Variants in EPHA5 observed in about 807,000 individuals in gnomAD.
EPHA5 encodes the protein EPH receptor A5.
In EPHA5, 60 loss-of-function variants were observed where a neutral mutation model predicts 105.0. The observed-to-expected ratio is 0.57, with a 90% CI of 0.46 to 0.71. The LOEUF (loss-of-function observed/expected upper bound fraction) is 0.71. EPHA5 is among the 30% of genes least tolerant of loss of function. The pLI is 0.00. For missense variants in EPHA5, 1,218 were observed against 1,274.7 expected (o/e 0.96, Z 0.68); for synonymous variants, 513 against 449.1 (o/e 1.14, Z -1.80).
chr4:65,382,311 A>G (rs1459970579), intron 8 of EPHA5, among the ~76,000 whole-genome samples: 2 of 151,746 alleles, frequency 1.3e-5, no homozygotes, highest in Admixed American at 6.6e-5. Context: ...CTATACTTCA[A>G]TAATGACTCT....
Position 65,428,192 on chromosome 4 carries a change from G to A in EPHA5, c.1403-7627C>T, listed in dbSNP as rs561737079. ...AAATTTCCTAAAGTAAATGAGAATTGCAGTTATTGAATTATAAACTTATTC... is the reference window on the plus strand; with the variant it reads ...AAATTTCCTAAAGTAAATGAGAATTACAGTTATTGAATTATAAACTTATTC... On this transcript the variant is annotated intron_variant, in intron 5 of 16. Coordinates refer to ENST00000613740, the MANE Select transcript of EPHA5 (RefSeq NM_001281766.3). Among the ~76,000 whole-genome samples, 33 of 152,066 alleles carry A rather than the reference G, an allele frequency of 2.2e-4. No homozygotes were observed. The South Asian group carries it at 5.8e-3, about 27-fold the overall frequency.
chr4:65,668,919 C>T (rs1750205906), intron 1 of EPHA5, among the ~76,000 whole-genome samples: 2 of 151,942 alleles, frequency 1.3e-5, no homozygotes, highest in African/African-American at 4.8e-5. Context: ...CAATGAACTC[C>T]CCCAAGAAGA....
chr4:65,583,361 C>A (rs576906914), intron 3 of EPHA5, among the ~76,000 whole-genome samples: 1 of 151,684 alleles, frequency 6.6e-6, no homozygotes, highest in African/African-American at 2.4e-5. Context: ...ATGTTCATTG[C>A]CTTGAAAATT....
intron 3 of EPHA5, among the ~76,000 whole-genome samples, chr4:65,548,541 A>C (rs1376135095): frequency 1.3e-5 from 2 of 152,084 alleles, no homozygotes; most frequent in African/African-American, 4.8e-5. Flanking sequence ...AAATTTTCAC[A>C]CTTGATGAAA....
intron 3 of EPHA5, among the ~76,000 whole-genome samples, chr4:65,515,074 C>T (rs921495252): frequency 5.3e-5 from 8 of 152,244 alleles, no homozygotes; most frequent in African/African-American, 1.9e-4. Flanking sequence ...TCCTCTAGTG[C>T]CCTGACTCTA....
intron 3 of EPHA5, among the ~76,000 whole-genome samples, chr4:65,534,529 C>T (rs1303459968): frequency 6.6e-6 from 1 of 152,178 alleles, no homozygotes; most frequent in African/African-American, 2.4e-5. Context: ...AATGAAAAAC[C>T]TCTTCCTCCT....
intron 5 of EPHA5, among the ~76,000 whole-genome samples, chr4:65,452,540 TAATAAATAAATAAATAA>T (rs1560551353): frequency 5.4e-5 from 8 of 147,272 alleles, no homozygotes; most frequent in Admixed American, 4.7e-4. Context: ...TGATTATTGC[TAATAAATAAATAAATAA>T]ATTAGCTAGC....
intron 3 of EPHA5, among the ~76,000 whole-genome samples, chr4:65,595,738 G>A (rs1487731095): frequency 6.6e-6 from 1 of 151,846 alleles, no homozygotes; most frequent in South Asian, 2.1e-4. Flanking sequence ...CCGCCACCAC[G>A]CCGGGCTAAT....
Position 65,669,657 on chromosome 4 carries a change from G to A in EPHA5, c.86C>T (p.Ala29Val). The change falls in exon 1 of 17, where the codon GCC becomes GTC. Residue 29 changes from alanine (A) to valine (V), a missense_variant. By Grantham distance (64) the Ala-to-Val change is moderately conservative (BLOSUM62 0). Coordinates refer to ENST00000613740, the MANE Select transcript of EPHA5 (RefSeq NM_001281766.3). ...GDTPITPASLAGCYSAPRRAP... is the reference protein window; with the variant it reads ...GDTPITPASLVGCYSAPRRAP... ...CCGTCGAGGTGCAGAGTAGCAGCCG[G>A]CCAGGGACGCTGGGGTGATGGGGGT... is the stretch of plus-strand genomic sequence containing the variant. 2.2e-6 allele frequency: 3 copies of A among 1,377,360 alleles called. No homozygotes were observed. The highest frequency in any genetic ancestry group is 2.8e-6 in the Non-Finnish European group (3 of 1,060,238). The allele number at this position is 1,377,360 out of a possible 1,614,324, so 85.3% of individuals were successfully genotyped here.
chr4:65,465,456 GAAAAGAAAGA>G (rs1331477583), intron 5 of EPHA5, among the ~76,000 whole-genome samples: 1 of 50,036 alleles, frequency 2.0e-5, no homozygotes, highest in African/African-American at 8.0e-5. Context: ...AAGAAAGAAA[GAAAAGAAAGA>G]AAAAGAAAGA....
At chr4:65,469,448 C>A (rs564443884) in intron 5 of EPHA5, among the ~76,000 whole-genome samples, 298 of 152,134 alleles carry the variant, frequency 2.0e-3, no homozygotes, top group African/African-American at 6.8e-3. Flanking sequence ...GAGTAATGCT[C>A]TTTATTGTTT....
intron 3 of EPHA5, among the ~76,000 whole-genome samples, chr4:65,529,030 A>G (rs1329301812): frequency 6.6e-6 from 1 of 152,274 alleles, no homozygotes; most frequent in East Asian, 1.9e-4. Flanking sequence ...GAGGTTTTAG[A>G]GTGTTTAAAA....
chr4:65,614,151 G>T (rs1435347230), intron 2 of EPHA5, among the ~76,000 whole-genome samples: 1 of 151,702 alleles, frequency 6.6e-6, no homozygotes, highest in Non-Finnish European at 1.5e-5. Context: ...TCACTATATT[G>T]TCCCTTAATT....
chr4:65,498,634 G>T (rs1485536755), intron 3 of EPHA5, among the ~76,000 whole-genome samples: 3 of 151,846 alleles, frequency 2.0e-5, no homozygotes, highest in African/African-American at 7.2e-5. Context: ...TATTTAATGG[G>T]TTAGATGACT....
At chr4:65,507,084 T>C (rs1291171715) in intron 3 of EPHA5, among the ~76,000 whole-genome samples, 2 of 152,202 alleles carry the variant, frequency 1.3e-5, no homozygotes, top group Non-Finnish European at 2.9e-5. Context: ...TTTCTGCATA[T>C]GGCTAGTCAG....
At chr4:65,357,307 G>T (rs1235304247) in intron 11 of EPHA5, among the ~76,000 whole-genome samples, 1 of 151,390 alleles carries the variant, frequency 6.6e-6, no homozygotes, top group Non-Finnish European at 1.5e-5. Context: ...AAGGAGTAAA[G>T]TTGAGAATCA....
chr4:65,335,790 G>A, intron 15 of EPHA5, 142 bp downstream of exon 15: 1 of 763,406 alleles, frequency 1.3e-6, no homozygotes, highest in Non-Finnish European at 2.0e-6. Context: ...AGAGTAGCAT[G>A]CAAAAACTAT....
chr4:65,553,110 C>T (rs1363849931), intron 3 of EPHA5, among the ~76,000 whole-genome samples: 1 of 152,026 alleles, frequency 6.6e-6, no homozygotes, highest in Non-Finnish European at 1.5e-5. Context: ...AAAATTAATA[C>T]TTCTCTGAGT....
intron 1 of EPHA5, among the ~76,000 whole-genome samples, chr4:65,654,273 G>A (rs1302967274): frequency 3.3e-5 from 5 of 149,324 alleles, no homozygotes; most frequent in Admixed American, 2.0e-4. Context: ...TTTTTAAGCC[G>A]CTGTTGGATA....
Sources: allele counts gnomAD v4.1 joint callset (sites outside exome capture counted in the v4.1 genomes callset), GRCh38; gene constraint gnomAD v4.1.1; transcripts MANE v1.5; gene names NCBI Gene and HGNC (gene_info 2026-07-23, HGNC 2026-07-21).